Variants in LRP1B observed in about 807,000 individuals in gnomAD.
The protein encoded by LRP1B is LDL receptor related protein 1B, also known as low-density lipoprotein receptor-related protein 1B.
LRP1B carries 217 observed loss-of-function variants against 556.6 expected under a neutral mutation model. The ratio of observed to expected loss-of-function variants is 0.39; its 90% confidence interval spans 0.35 to 0.44. LRP1B has a LOEUF of 0.44. LRP1B is among the 20% of genes least tolerant of loss of function. The probability of loss-of-function intolerance (pLI) is 1.00; values close to 1 mark genes in which losing one functional copy is unlikely to be tolerated. For synonymous variants in LRP1B, 2,047 were observed against 1,865.8 expected, an observed-to-expected ratio of 1.10 and a Z score of -2.50; for missense variants, 5,053 against 5,620.8, an observed-to-expected ratio of 0.90 and a Z score of 3.23.
At chr2:141,854,074 A>G (rs376999613) in intron 1 of LRP1B, among the ~76,000 whole-genome samples, 9 of 152,150 alleles carry the variant, frequency 5.9e-5, no homozygotes, top group African/African-American at 1.9e-4. Context: ...CAAACCATTA[A>G]ACATTGCAAT....
At chr2:141,352,379 T>A (rs916992719) in intron 3 of LRP1B, among the ~76,000 whole-genome samples, 15 of 151,926 alleles carry the variant, frequency 9.9e-5, no homozygotes, top group South Asian at 2.1e-4. Context: ...AGTGCCTTTT[T>A]AAAATTTTTT....
At chr2:142,127,263 A>G (rs190810633) in intron 1 of LRP1B, among the ~76,000 whole-genome samples, 10 of 152,080 alleles carry the variant, frequency 6.6e-5, no homozygotes, top group Admixed American at 5.9e-4. Context: ...ATATTTTCAT[A>G]TAATGTTTTT....
At chr2:142,076,277 A>T (rs1400678983) in intron 1 of LRP1B, among the ~76,000 whole-genome samples, 1 of 152,080 alleles carries the variant, frequency 6.6e-6, no homozygotes, top group Non-Finnish European at 1.5e-5. Context: ...ACCTATCTAC[A>T]TTTTACAAAT....
At chr2:140,358,613 G>T (rs1005027105) in intron 73 of LRP1B, among the ~76,000 whole-genome samples, 1 of 151,618 alleles carries the variant, frequency 6.6e-6, no homozygotes, top group African/African-American at 2.4e-5. Flanking sequence ...AGAATAAAGG[G>T]TTAGTGGGAA....
chr2:141,261,058 C>G (rs1389790708), intron 3 of LRP1B, among the ~76,000 whole-genome samples: 2 of 152,106 alleles, frequency 1.3e-5, no homozygotes, highest in South Asian at 2.1e-4. Context: ...CAGCTACTTA[C>G]CATGCCAGAC....
intron 60 of LRP1B, among the ~76,000 whole-genome samples, chr2:140,472,515 T>C (rs1050499351): frequency 9.9e-5 from 15 of 151,908 alleles, no homozygotes; most frequent in Non-Finnish European, 2.2e-4. Context: ...CTTGTTCAGG[T>C]TTTCAATGTG....
intron 7 of LRP1B, among the ~76,000 whole-genome samples, chr2:141,181,952 G>T (rs949831770): frequency 6.6e-6 from 1 of 151,982 alleles, no homozygotes; most frequent in Non-Finnish European, 1.5e-5. Context: ...GCTAAGTTCA[G>T]TCAAAATTAG....
At chr2:140,754,000 C>A (rs1337210822) in intron 35 of LRP1B, among the ~76,000 whole-genome samples, 2 of 152,120 alleles carry the variant, frequency 1.3e-5, no homozygotes, top group Admixed American at 1.3e-4. Context: ...CACAGAAGTT[C>A]TATGCCAAGA....
At chr2:142,098,010 T>C (rs1706435767) in intron 1 of LRP1B, among the ~76,000 whole-genome samples, 5 of 151,724 alleles carry the variant, frequency 3.3e-5, no homozygotes, top group Admixed American at 3.3e-4. Flanking sequence ...CTTGTATAAA[T>C]GCTCTCACTT....
intron 2 of LRP1B, among the ~76,000 whole-genome samples, chr2:141,625,545 G>T (rs1398466941): frequency 6.6e-6 from 1 of 152,092 alleles, no homozygotes; most frequent in Admixed American, 6.5e-5. Flanking sequence ...GTTACTGAAA[G>T]AATGTAATCT....
intron 3 of LRP1B, among the ~76,000 whole-genome samples, chr2:141,408,302 G>A (rs955139740): frequency 9.2e-5 from 14 of 151,614 alleles, no homozygotes; most frequent in African/African-American, 2.4e-4. Context: ...GCCACCACGC[G>A]CAGCTAATTT....
chr2:141,575,773 G>A (rs114902982), intron 2 of LRP1B, among the ~76,000 whole-genome samples: 3,061 of 150,486 alleles, frequency 0.02, 100 homozygotes, highest in African/African-American at 0.071. Context: ...AAACAACTCC[G>A]TCAAAAAGTG....
chr2:141,115,365 T>C (rs1700861318), intron 7 of LRP1B, among the ~76,000 whole-genome samples: 1 of 152,024 alleles, frequency 6.6e-6, no homozygotes, highest in Non-Finnish European at 1.5e-5. Flanking sequence ...ACACTACTGC[T>C]ACTAATTTTC....
intron 2 of LRP1B, among the ~76,000 whole-genome samples, chr2:141,725,935 T>C (rs1308788599): frequency 6.6e-6 from 1 of 151,850 alleles, no homozygotes; most frequent in African/African-American, 2.4e-5. Flanking sequence ...TTGAGAAACA[T>C]ATGTAAAATA....
chr2:140,702,420 A>C lies in LRP1B; in HGVS notation c.6150+7T>G, dbSNP rs201315363. On this transcript the variant is annotated splice_region_variant and intron_variant, in intron 38 of 90. Coordinates refer to ENST00000389484, the MANE Select transcript of LRP1B (RefSeq NM_018557.3). ...CACTTTAAATACTGAAAAGAAATCCAACAGACCTCATAGTCGATGGAGATG... is the reference window on the plus strand; with the variant it reads ...CACTTTAAATACTGAAAAGAAATCCCACAGACCTCATAGTCGATGGAGATG... 1 of 1,613,266 alleles carries C rather than the reference A, an allele frequency of 6.2e-7. No homozygotes were observed. Among genetic ancestry groups the C allele is most frequent in the African/African-American group, 1.3e-5 (1 of 75,002 alleles).
chr2:140,909,796 A>G (rs1366001531), intron 21 of LRP1B, among the ~76,000 whole-genome samples: 1 of 151,204 alleles, frequency 6.6e-6, no homozygotes, highest in East Asian at 2.0e-4. Flanking sequence ...TTCAAAATTA[A>G]CAGAAAAACA....
intron 1 of LRP1B, among the ~76,000 whole-genome samples, chr2:141,909,524 A>AC (rs1699847784): frequency 9.6e-6 from 1 of 104,486 alleles, no homozygotes; most frequent in African/African-American, 3.5e-5. Context: ...AAGGTCTCAG[A>AC]CATTTTTTTT....
intron 41 of LRP1B, among the ~76,000 whole-genome samples, chr2:140,626,603 T>C (rs580724): frequency 0.46 from 69,783 of 151,088 alleles, 16,891 homozygotes; most frequent in African/African-American, 0.61. Context: ...CAAAAGTAAT[T>C]ACAGATACAG....
chr2:141,707,941 G>T (rs1263713462), intron 2 of LRP1B, among the ~76,000 whole-genome samples: 1 of 152,144 alleles, frequency 6.6e-6, no homozygotes, highest in Non-Finnish European at 1.5e-5. Flanking sequence ...TCTAACGTTT[G>T]CCACAGATTC....
Sources: gnomAD v4.1 joint callset for allele counts (sites outside exome capture counted in the v4.1 genomes callset) on GRCh38, gnomAD v4.1.1 for gene constraint, MANE v1.5 for transcripts, NCBI Gene and HGNC (gene_info 2026-07-23, HGNC 2026-07-21) for gene names.